The following PDZRN4 variants were observed in gnomAD, a reference collection of about 807,000 sequenced individuals.
PDZRN4 encodes the protein PDZ domain containing ring finger 4.
A neutral mutation model predicts 99.0 loss-of-function variants in PDZRN4; 70 were observed. The ratio of observed to expected loss-of-function variants is 0.71; its 90% CI spans 0.58 to 0.86. The LOEUF is 0.86. PDZRN4 is among the 40% of genes least tolerant of loss of function. The pLI, the probability that PDZRN4 is intolerant of heterozygous loss-of-function variation, is 0.00. For missense variants in PDZRN4, 1,474 were observed against 1,331.2 expected, an observed-to-expected ratio of 1.11 and a Z score of -1.67; for synonymous variants, 551 against 501.6, an observed-to-expected ratio of 1.10 and a Z score of -1.32.
intron 3 of PDZRN4, among the ~76,000 whole-genome samples, chr12:41,266,310 C>CAAAAAAAAAAAAAAAAAAAAAA (rs777855203): frequency 8.6e-5 from 1 of 11,686 alleles, no homozygotes; most frequent in African/African-American, 4.9e-4. Flanking sequence ...GACTCCGTCT[C>CAAAAAAAAAAAAAAAAAAAAAA]AAAAAAAAAA....
At position 41,563,652 on chromosome 12, in the gene PDZRN4, C is replaced by A; in HGVS notation, c.1467+3C>A. 6.2e-7 allele frequency: 1 copy of A among 1,603,396 alleles called. No individual in the cohort carries two copies. Among genetic ancestry groups the A allele is most frequent in the South Asian group, 1.1e-5 (1 of 90,582 alleles). On this transcript the variant is annotated splice_donor_region_variant and intron_variant, in intron 8 of 9. Transcript: ENST00000402685. ...TTGTTGCAAGGCCAGAGATTCAGGT[C>A]AGAACAGAGATCAAAAGCCTTGAGA...
chr12:41,522,430 A>G (rs1440809758), intron 5 of PDZRN4, among the ~76,000 whole-genome samples: 1 of 152,110 alleles, frequency 6.6e-6, no homozygotes, highest in African/African-American at 2.4e-5. Flanking sequence ...TCACCTTAAC[A>G]TATTTTTTTG....
At position 41,572,661 on chromosome 12, in the gene PDZRN4, A is replaced by G. The variant is rs143784168; in HGVS notation, c.1882A>G (p.Arg628Gly). 2.0e-5 allele frequency: 32 copies of G among 1,614,188 alleles called. No homozygotes were observed. Among genetic ancestry groups the G allele is most frequent in the South Asian group, 3.3e-5 (3 of 91,070 alleles). Residue 628 changes from arginine (R) to glycine (G), a missense_variant, in exon 10 of 10, where the codon AGG (arginine) becomes GGG (glycine). Coordinates refer to ENST00000402685, the MANE Select transcript of PDZRN4 (RefSeq NM_001164595.2). ...CCCAGATGAGGACTGTGAAAGATTC[A>G]GGCAGCTCTTGGAGCTCAAATGCAA... ...GNPDEDCERF[R>G]QLLELKCKIR...
At chr12:41,445,084 A>T (rs1390102801) in intron 3 of PDZRN4, among the ~76,000 whole-genome samples, 1 of 152,078 alleles carries the variant, frequency 6.6e-6, no homozygotes, top group Non-Finnish European at 1.5e-5. Flanking sequence ...ACACAGACCT[A>T]AGAGAAAGGC....
chr12:41,551,504 T>G (rs1451909543), intron 5 of PDZRN4, among the ~76,000 whole-genome samples: 1 of 152,112 alleles, frequency 6.6e-6, no homozygotes, highest in Non-Finnish European at 1.5e-5. Context: ...TACCTATGGT[T>G]TTACAAAAAT....
At chr12:41,482,351 G>C (rs1937687532) in intron 3 of PDZRN4, among the ~76,000 whole-genome samples, 1 of 152,152 alleles carries the variant, frequency 6.6e-6, no homozygotes, top group African/African-American at 2.4e-5. Flanking sequence ...TATCAAGGAA[G>C]TTGGAAAAGA....
chr12:41,308,720 A>G (rs1951587258), intron 3 of PDZRN4, among the ~76,000 whole-genome samples: 1 of 152,224 alleles, frequency 6.6e-6, no homozygotes. Context: ...GTGTTCAAAA[A>G]GAGCATGTAC....
intron 3 of PDZRN4, among the ~76,000 whole-genome samples, chr12:41,401,828 G>T (rs1259063699): frequency 6.6e-6 from 1 of 151,720 alleles, no homozygotes; most frequent in African/African-American, 2.4e-5. Flanking sequence ...ATCTCCTAGA[G>T]TTCTCCCCAG....
chr12:41,297,526 A>T (rs1039519514), intron 3 of PDZRN4, among the ~76,000 whole-genome samples: 1 of 152,180 alleles, frequency 6.6e-6, no homozygotes, highest in Non-Finnish European at 1.5e-5. Flanking sequence ...TCTTATTTTG[A>T]ACTAGTTCTG....
chr12:41,227,963 A>C (rs1353990862), intron 3 of PDZRN4, among the ~76,000 whole-genome samples: 1 of 151,824 alleles, frequency 6.6e-6, no homozygotes, highest in Non-Finnish European at 1.5e-5. Flanking sequence ...TAAAAATATA[A>C]TTACTTTCAA....
intron 3 of PDZRN4, among the ~76,000 whole-genome samples, chr12:41,230,537 G>A (rs561116489): frequency 6.6e-6 from 1 of 152,018 alleles, no homozygotes; most frequent in Non-Finnish European, 1.5e-5. Flanking sequence ...CCACTGGCAT[G>A]TATCCCAAAG....
At chr12:41,196,630 A>G (rs890529539) in intron 3 of PDZRN4, among the ~76,000 whole-genome samples, 2 of 152,024 alleles carry the variant, frequency 1.3e-5, no homozygotes, top group Non-Finnish European at 2.9e-5. Flanking sequence ...TTTCTTGTGC[A>G]TATGGTGTGT....
chr12:41,292,338 G>T (rs1951461809), intron 3 of PDZRN4, among the ~76,000 whole-genome samples: 1 of 152,168 alleles, frequency 6.6e-6, no homozygotes, highest in African/African-American at 2.4e-5. Context: ...TTTGTAGGAA[G>T]AGCTGGTTTC....
At chr12:41,545,436 G>T (rs1938928762) in intron 5 of PDZRN4, among the ~76,000 whole-genome samples, 1 of 151,780 alleles carries the variant, frequency 6.6e-6, no homozygotes, top group Admixed American at 6.6e-5. Context: ...GATTCTTCCA[G>T]TAGCCCCCAA....
intron 3 of PDZRN4, among the ~76,000 whole-genome samples, chr12:41,372,554 G>A (rs1186826414): frequency 6.6e-6 from 1 of 152,142 alleles, no homozygotes; most frequent in Non-Finnish European, 1.5e-5. Flanking sequence ...ATAGGGATGA[G>A]CCAGATAGAT....
chr12:41,261,267 T>C (rs1001787654), intron 3 of PDZRN4, among the ~76,000 whole-genome samples: 3 of 152,226 alleles, frequency 2.0e-5, no homozygotes, highest in Admixed American at 6.5e-5. Flanking sequence ...GTGAAGAATG[T>C]AAACTGTAGT....
Position 41,418,315 on chromosome 12 carries a change from G to A in PDZRN4, c.844-88141G>A, listed in dbSNP as rs74078815. ...AGAGTGTCATCCTAAATGAATCATT[G>A]TTATCAATTCTGCTGGTGCATTATC... is the stretch of plus-strand genomic sequence containing the variant. On this transcript the variant is annotated intron_variant, in intron 3 of 9. Transcript: ENST00000402685. Among the ~76,000 whole-genome samples, 597 of 152,188 alleles carry A rather than the reference G, an allele frequency of 3.9e-3. 2 individuals are homozygous for A. Among genetic ancestry groups the A allele is most frequent in the African/African-American group, 0.014 (579 of 41,526 alleles).
chr12:41,379,251 G>GTTTTTTTTTTTT (rs57466011), intron 3 of PDZRN4, among the ~76,000 whole-genome samples: 1 of 131,012 alleles, frequency 7.6e-6, no homozygotes, highest in African/African-American at 2.8e-5. Flanking sequence ...TCTATTTTCT[G>GTTTTTTTTTTTT]TTTTTTTTTT....
intron 3 of PDZRN4, among the ~76,000 whole-genome samples, chr12:41,197,927 T>TTTTGTTTG (rs1950787798): frequency 7.1e-6 from 1 of 140,978 alleles, no homozygotes; most frequent in East Asian, 2.1e-4. Flanking sequence ...TGGGTTTTTT[T>TTTTGTTTG]TTTTGGAGAC....
Sources: gnomAD v4.1 joint callset for allele counts (sites outside exome capture counted in the v4.1 genomes callset) on GRCh38, gnomAD v4.1.1 for gene constraint, MANE v1.5 for transcripts, NCBI Gene and HGNC (gene_info 2026-07-23, HGNC 2026-07-21) for gene names.